Variants in ASCC2 observed in about 807,000 individuals in gnomAD.
The protein encoded by ASCC2 is activating signal cointegrator 1 complex subunit 2, also known as ASC-1 complex subunit P100.
In ASCC2, 42 loss-of-function variants were observed where a neutral mutation model predicts 93.5. That is an observed-to-expected ratio of 0.45 (90% CI 0.35 to 0.58). The LOEUF is 0.58. ASCC2 is among the 20% of genes least tolerant of loss of function. The pLI, the probability that ASCC2 is intolerant of heterozygous loss-of-function variation, is 0.00. For missense variants in ASCC2, 859 were observed against 977.6 expected (o/e 0.88, Z 1.62); for synonymous variants, 364 against 384.2 (o/e 0.95, Z 0.62).
chr22:29,820,996 A>G (rs533942077), intron 5 of ASCC2, among the ~76,000 whole-genome samples: 1 of 152,048 alleles, frequency 6.6e-6, no homozygotes, highest in Non-Finnish European at 1.5e-5. Context: ...GGTATTTCGA[A>G]GACTGTGTCC....
In ASCC2 at chr22:29,804,835, G is replaced by C; in HGVS notation, c.1161-5C>G. 1.2e-6 allele frequency: 2 copies of C among 1,613,768 alleles called. No homozygotes were observed. The highest frequency in any genetic ancestry group is 1.1e-5 in the South Asian group (1 of 91,080). On this transcript the variant is annotated splice_region_variant and splice_polypyrimidine_tract_variant and intron_variant, in intron 12 of 19. Transcript: ENST00000307790. ...TAGGCAGTCCGCGTCTCGTCCCTGT[G>C]AGGACTTGTTAAGGGGTCTGTCTTA... is the stretch of plus-strand genomic sequence containing the variant.
chr22:29,812,690 G>A (rs1459482843), intron 8 of ASCC2, among the ~76,000 whole-genome samples: 4 of 152,086 alleles, frequency 2.6e-5, no homozygotes, highest in Non-Finnish European at 4.4e-5. Context: ...CTCTCTCTGG[G>A]CCTCTGCATG....
intron 1 of ASCC2, among the ~76,000 whole-genome samples, chr22:29,836,795 C>T (rs1228250915): frequency 2.0e-5 from 3 of 152,140 alleles, no homozygotes; most frequent in African/African-American, 4.8e-5. Context: ...TCAGGTGATC[C>T]GCCCGCCTTG....
intron 4 of ASCC2, among the ~76,000 whole-genome samples, 159 bp from the exon 5 acceptor site, chr22:29,822,623 T>A (rs1196083717): frequency 7.2e-6 from 1 of 139,090 alleles, no homozygotes; most frequent in African/African-American, 2.6e-5. Context: ...CCCCCCGCCC[T>A]TTTTTTTTTT....
intron 8 of ASCC2, among the ~76,000 whole-genome samples, chr22:29,811,695 C>A (rs1318924826): frequency 1.3e-5 from 2 of 152,196 alleles, no homozygotes; most frequent in Non-Finnish European, 2.9e-5. Flanking sequence ...CCTCCTCACC[C>A]TGAGATGGGT....
intron 12 of ASCC2, among the ~76,000 whole-genome samples, chr22:29,805,378 G>A (rs911976968): frequency 1.3e-5 from 2 of 152,016 alleles, no homozygotes; most frequent in Non-Finnish European, 2.9e-5. Context: ...ACTGCTTCTT[G>A]TCCAAACCCT....
Position 29,798,575 on chromosome 22 carries a change from G to C in ASCC2, c.1688+2416C>G, listed in dbSNP as rs2058714511. Among the ~76,000 whole-genome samples, 3 of 152,316 alleles carry C rather than the reference G, an allele frequency of 2.0e-5. No individual in the cohort carries two copies. In the South Asian group the frequency reaches 6.2e-4, roughly 32 times the overall value. On this transcript the variant is annotated intron_variant, in intron 15 of 19. Transcript: ENST00000307790. ...CCTTACACCGCCTTGTCATGCAAGG[G>C]AACAGATTTCCTTACTACTTAAGCA... is the stretch of plus-strand genomic sequence containing the variant.
chr22:29,815,913 G>T, intron 6 of ASCC2, 93 bp downstream of exon 6: 3 of 1,069,160 alleles, frequency 2.8e-6, no homozygotes, highest in Non-Finnish European at 4.2e-6. Flanking sequence ...CATTTCCTCA[G>T]CTCCTCCAGG....
rs559166161 is a variant in ASCC2, at chr22:29,832,859, G to A, written c.-17-517C>T. 4.5e-4 allele frequency among the ~76,000 whole-genome samples: 68 copies of A among 152,128 alleles called. 1 individual carries two copies. In the Middle Eastern group the frequency reaches 0.01, roughly 23 times the overall value. ...GAGCTAAAGCAATCCTCCCACCTCA[G>A]CCTCCTGAGTAGCTGGGACTACAGG... On this transcript the variant is annotated intron_variant, in intron 1 of 19. Transcript: ENST00000307790.
intron 18 of ASCC2, among the ~76,000 whole-genome samples, chr22:29,792,208 C>T (rs1252677068): frequency 1.3e-5 from 2 of 152,054 alleles, no homozygotes; most frequent in Non-Finnish European, 1.5e-5. Context: ...GCTCAGAGGC[C>T]CTGCCTTTAA....
At chr22:29,829,229 A>G (rs1028838986) in intron 2 of ASCC2, among the ~76,000 whole-genome samples, 8 of 152,168 alleles carry the variant, frequency 5.3e-5, no homozygotes, top group African/African-American at 1.9e-4. Context: ...TATTTTAAAT[A>G]TGTGCAGTTT....
At chr22:29,801,912 G>C (rs757581623) in intron 14 of ASCC2, 82 bp downstream of exon 14, 11 of 1,180,820 alleles carry the variant, frequency 9.3e-6, no homozygotes, top group Non-Finnish European at 1.2e-5. Flanking sequence ...CCTGGGCCAT[G>C]AATGAGGGAA....
chr22:29,789,639 G>A (rs1184621174), intron 19 of ASCC2, among the ~76,000 whole-genome samples: 2 of 152,190 alleles, frequency 1.3e-5, no homozygotes, highest in Admixed American at 1.3e-4. Flanking sequence ...TGACCACTGG[G>A]ATTTGCCAGA....
intron 4 of ASCC2, among the ~76,000 whole-genome samples, chr22:29,823,790 T>C (rs1444483646): frequency 1.3e-5 from 2 of 148,152 alleles, no homozygotes; most frequent in East Asian, 2.0e-4. Flanking sequence ...GAGGTTGCAG[T>C]GAGCAGAGAT....
chr22:29,837,432 TG>T (rs998846617), intron 1 of ASCC2, among the ~76,000 whole-genome samples: 2 of 134,072 alleles, frequency 1.5e-5, no homozygotes, highest in East Asian at 3.0e-4. Context: ...GACCCCGTCT[TG>T]GGGGGAAAAA....
At chr22:29,808,333 C>T (rs751482207) in intron 8 of ASCC2, 148 bp from the exon 9 acceptor site, 8 of 771,126 alleles carry the variant, frequency 1.0e-5, no homozygotes, top group Non-Finnish European at 1.7e-5. Context: ...TCCCTGAGCT[C>T]ACCCCAGACT....
chr22:29,796,325 G>C (rs1004635203), intron 15 of ASCC2, among the ~76,000 whole-genome samples: 1 of 152,006 alleles, frequency 6.6e-6, no homozygotes, highest in Non-Finnish European at 1.5e-5. Context: ...TCTCTGTGCC[G>C]GGCAGGGTAT....
At chr22:29,822,523 T>C (rs1285426911) in intron 4 of ASCC2, 59 bp from the exon 5 acceptor site, 4 of 1,589,018 alleles carry the variant, frequency 2.5e-6, no homozygotes, top group Non-Finnish European at 3.4e-6. Context: ...ACATTATAAA[T>C]AGCAAACTCA....
intron 9 of ASCC2, among the ~76,000 whole-genome samples, chr22:29,807,155 C>G (rs555896611): frequency 7.1e-6 from 1 of 141,380 alleles, no homozygotes; most frequent in South Asian, 2.3e-4. Flanking sequence ...GCAGGGGGAT[C>G]GCATTCGCCT....
Sources: gnomAD v4.1 joint callset for allele counts (sites outside exome capture counted in the v4.1 genomes callset) on GRCh38, gnomAD v4.1.1 for gene constraint, MANE v1.5 for transcripts, NCBI Gene and HGNC (gene_info 2026-07-23, HGNC 2026-07-21) for gene names.